HDAC2: variants seen among roughly 807,000 people sequenced by gnomAD.
HDAC2 encodes the protein YY1-associated factor 1.
HDAC2 carries 5 observed loss-of-function variants against 68.5 expected under a neutral mutation model. The observed-to-expected ratio is 0.07, with a 90% CI of 0.04 to 0.15. The LOEUF is 0.15. Ranked by LOEUF, HDAC2 falls within the 10% of genes least tolerant of loss-of-function variation. The pLI is 1.00. For synonymous variants in HDAC2, 182 were observed against 191.3 expected (o/e 0.95, Z 0.40); for missense variants, 291 against 600.8 (o/e 0.48, Z 5.39).
In HDAC2 at chr6:113,938,100, T is replaced by C. The variant is rs376719144; in HGVS notation, c.*2958A>G. 16 of 151,922 alleles carry C rather than the reference T, an allele frequency of 1.1e-4. No individual in the cohort carries two copies. Among genetic ancestry groups the C allele is most frequent in the African/African-American group, 3.9e-4 (16 of 41,352 alleles). The allele number at this position is 151,922 out of a possible 1,614,324, so 9.4% of individuals were successfully genotyped here. On this transcript the variant is annotated 3_prime_UTR_variant, in exon 14 of 14. Transcript: ENST00000519065. ...AGGCGGAGGTTGCAGTGAGCCGAGA[T>C]TGCGCCATTGCACACCAGCCTGGGC...
chr6:113,964,130 T>C (rs1582497678), intron 1 of HDAC2, among the ~76,000 whole-genome samples: 1 of 152,112 alleles, frequency 6.6e-6, no homozygotes, highest in East Asian at 1.9e-4. Context: ...AGCCTCACAT[T>C]GATTCAGGTT....
chr6:113,933,697 C>A lies in HDAC2; in HGVS notation c.*7361G>T, dbSNP rs763584227. The A allele has an allele frequency of 6.6e-6, 1 of 151,978 alleles. No individual in the cohort carries two copies. The highest frequency in any genetic ancestry group is 1.5e-5 in the Non-Finnish European group (1 of 68,028). 9.4% of individuals were successfully genotyped at this position (151,978 alleles called of 1,614,324 possible). On this transcript the variant is annotated 3_prime_UTR_variant, in exon 14 of 14. Transcript: ENST00000519065. ...ACAAAACCCTTGCCCTTATGAAACTCTTAATCCAGTGAAAGTAAGCAGAAT... is the reference window on the plus strand; with the variant it reads ...ACAAAACCCTTGCCCTTATGAAACTATTAATCCAGTGAAAGTAAGCAGAAT...
intron 3 of HDAC2, 147 bp downstream of exon 3, chr6:113,958,502 G>A (rs946410145): frequency 1.8e-6 from 1 of 554,948 alleles, no homozygotes; most frequent in Non-Finnish European, 3.2e-6. Flanking sequence ...AGTAGCTTTA[G>A]TAGTGTTAAA....
chr6:113,940,051 T>C lies in HDAC2; in HGVS notation c.*1007A>G, dbSNP rs1444034018. ...GTTTTGTCTTCTTTGCACATCTTAG[T>C]AGCAGGAGTTACCCCCATTTGTCTG... On this transcript the variant is annotated 3_prime_UTR_variant, in exon 14 of 14. Coordinates refer to ENST00000519065, the MANE Select transcript of HDAC2 (RefSeq NM_001527.4). The C allele has an allele frequency of 6.6e-6, 1 of 152,214 alleles. No homozygotes were observed. Among genetic ancestry groups the C allele is most frequent in the East Asian group, 1.9e-4 (1 of 5,202 alleles). The allele number at this position is 152,214 out of a possible 1,614,324, so 9.4% of individuals were successfully genotyped here.
In HDAC2 at chr6:113,949,177, T is replaced by C; in HGVS notation, c.723A>G (p.Ile241Met). The C allele has an allele frequency of 6.2e-7, 1 of 1,606,896 alleles. No individual in the cohort carries two copies. The highest frequency in any genetic ancestry group is 8.5e-7 in the Non-Finnish European group (1 of 1,173,458). ...AAACAATAATACTTACAGGCTTAAA[T>C]ATCTGCCCATATGACTCATCATCTA... ...DGIDDESYGQ[I>M]FKPIISKVME... is the part of the protein sequence containing the mutation. Residue 241 changes from isoleucine to methionine, a missense_variant, in exon 7 of 14, where the codon ATA becomes ATG. By Grantham distance (10) the Ile-to-Met change is conservative. Transcript: ENST00000519065.
At chr6:113,943,243 T>TTCC in intron 12 of HDAC2, 108 bp downstream of exon 12, 1 of 778,788 alleles carries the variant, frequency 1.3e-6, no homozygotes, top group East Asian at 2.6e-5. Context: ...CCTAGCATAC[T>TTCC]TCCTCCTGAT....
chr6:113,956,453 A>G lies in HDAC2; in HGVS notation c.358+166T>C, dbSNP rs1361450316. The G allele has an allele frequency of 2.1e-5, 13 of 606,046 alleles. No individual in the cohort carries two copies. In the Admixed American group the frequency reaches 3.7e-4, roughly 17 times the overall value. 37.5% of individuals were successfully genotyped at this position (606,046 alleles called of 1,614,324 possible). A position where few individuals can be genotyped will look rare whatever the true frequency, so the allele number is the denominator to read the frequency against. On this transcript the variant is annotated intron_variant, in intron 4 of 13. Transcript: ENST00000519065. Reference sequence around the variant, plus strand: ...TTTAAAAAGCGTTTAAGTCATAATCATAAAACATAGAGGTTTGAAAGTAAA... The same window carrying G: ...TTTAAAAAGCGTTTAAGTCATAATCGTAAAACATAGAGGTTTGAAAGTAAA...
At chr6:113,970,579 G>A in intron 1 of HDAC2, 2 of 1,257,480 alleles carry the variant, frequency 1.6e-6, no homozygotes, top group South Asian at 2.9e-5. Context: ...CGTCCCCAGC[G>A]GCGGCCACCT....
chr6:113,942,920 G>A (rs1036615987), intron 12 of HDAC2, among the ~76,000 whole-genome samples: 9 of 151,990 alleles, frequency 5.9e-5, no homozygotes, highest in African/African-American at 2.2e-4. Context: ...TCCATTATTT[G>A]ACCTTTTTCA....
At chr6:113,948,884 G>A in intron 8 of HDAC2, 95 bp downstream of exon 8, 12 of 1,383,212 alleles carry the variant, frequency 8.7e-6, no homozygotes, top group Non-Finnish European at 1.2e-5. Context: ...TGTTAAAACA[G>A]CAGGCAAGAA....
In HDAC2 at chr6:113,939,392, C is replaced by T. The variant is rs986842814; in HGVS notation, c.*1666G>A. 2 of 152,078 alleles carry T rather than the reference C, an allele frequency of 1.3e-5. No homozygotes were observed. The highest frequency in any genetic ancestry group is 2.9e-5 in the Non-Finnish European group (2 of 68,026). 9.4% of individuals were successfully genotyped at this position (152,078 alleles called of 1,614,324 possible). A position where few individuals can be genotyped will look rare whatever the true frequency, so the allele number is the denominator to read the frequency against. Reference sequence around the variant, plus strand: ...GGTCCACCAAAATCCCACAAATCACCACTAAAGAACTTAATCATGTAACCA... The same window carrying T: ...GGTCCACCAAAATCCCACAAATCACTACTAAAGAACTTAATCATGTAACCA... On this transcript the variant is annotated 3_prime_UTR_variant, in exon 14 of 14. Transcript: ENST00000519065.
chr6:113,960,035 A>G lies in HDAC2; in HGVS notation c.53-17T>C, dbSNP rs537967173. 57 of 1,139,264 alleles carry G rather than the reference A, an allele frequency of 5.0e-5. No individual in the cohort carries two copies. Among genetic ancestry groups the G allele is most frequent in the African/African-American group, 4.4e-4 (29 of 65,726 alleles). The allele number at this position is 1,139,264 out of a possible 1,614,324, so 70.6% of individuals were successfully genotyped here. ...CAATATCACCTAAAATAGAAAAGAC[A>G]CAAACTAAACAATACAGACAAGAGA... On this transcript the variant is annotated splice_polypyrimidine_tract_variant and intron_variant, in intron 1 of 13. Transcript: ENST00000519065.
Position 113,940,941 on chromosome 6 carries a change from T to G in HDAC2, c.*117A>C. The G allele has an allele frequency of 1.5e-6, 1 of 684,326 alleles. No individual in the cohort carries two copies. Among genetic ancestry groups the G allele is most frequent in the Non-Finnish European group, 2.3e-6 (1 of 425,604 alleles). 42.4% of individuals were successfully genotyped at this position (684,326 alleles called of 1,614,324 possible). A position where few individuals can be genotyped will look rare whatever the true frequency, so the allele number is the denominator to read the frequency against. ...CAAAAACGAAAAAGCCATTTGAAAA[T>G]AAATACAGTCCATGCCAAAGTAGTA... On this transcript the variant is annotated 3_prime_UTR_variant, in exon 14 of 14. Coordinates refer to ENST00000519065, the MANE Select transcript of HDAC2 (RefSeq NM_001527.4).
chr6:113,958,850 C>T (rs935844116), intron 2 of HDAC2, 84 bp from the exon 3 acceptor site: 54 of 828,924 alleles, frequency 6.5e-5, no homozygotes, highest in Non-Finnish European at 9.3e-5. Context: ...ATTCCCCTAT[C>T]GGTCCCCTCA....
In HDAC2 at chr6:113,941,780, T is replaced by C. The variant is rs759243362; in HGVS notation, c.1379-15A>G. 14 of 1,165,894 alleles carry C rather than the reference T, an allele frequency of 1.2e-5. No individual in the cohort carries two copies. In the East Asian group the frequency reaches 1.8e-4, roughly 15 times the overall value. 72.2% of individuals were successfully genotyped at this position (1,165,894 alleles called of 1,614,324 possible). A position where few individuals can be genotyped will look rare whatever the true frequency, so the allele number is the denominator to read the frequency against. ...TTCCTTAACGTCTAAAAATAAAGAT[T>C]GGGAAAAGATTAAAACCTATTTTGA... On this transcript the variant is annotated splice_polypyrimidine_tract_variant and intron_variant, in intron 12 of 13. Transcript: ENST00000519065.
At chr6:113,962,426 A>T (rs1331804182) in intron 1 of HDAC2, 2 of 672,838 alleles carry the variant, frequency 3.0e-6, no homozygotes, top group African/African-American at 1.9e-5. Context: ...AAATATAAAT[A>T]TTTTAAATAA....
At chr6:113,953,547 C>T in intron 5 of HDAC2, 129 bp from the exon 6 acceptor site, 1 of 552,390 alleles carries the variant, frequency 1.8e-6, no homozygotes, top group South Asian at 2.9e-5. Context: ...TTACATTCAG[C>T]CTAAGAGGTT....
Position 113,939,967 on chromosome 6 carries a change from G to C in HDAC2, c.*1091C>G, listed in dbSNP as rs1262420666. 2.0e-5 allele frequency: 3 copies of C among 152,126 alleles called. No homozygotes were observed. The highest frequency in any genetic ancestry group is 7.2e-5 in the African/African-American group (3 of 41,420). The allele number at this position is 152,126 out of a possible 1,614,324, so 9.4% of individuals were successfully genotyped here. ...CATTCTGTAATTTTTAATCTCAAAA[G>C]AATCAATGTGGGCCTGACAAAAAGG... On this transcript the variant is annotated 3_prime_UTR_variant, in exon 14 of 14. Transcript: ENST00000519065.
At chr6:113,955,355 A>G (rs1333903825) in intron 5 of HDAC2, among the ~76,000 whole-genome samples, 1 of 152,040 alleles carries the variant, frequency 6.6e-6, no homozygotes, top group Non-Finnish European at 1.5e-5. Context: ...CTGGGATTAC[A>G]GGCGCACGCC....
Sources: gnomAD v4.1 joint callset for allele counts (sites outside exome capture counted in the v4.1 genomes callset) on GRCh38, gnomAD v4.1.1 for gene constraint, MANE v1.5 for transcripts, NCBI Gene and HGNC (gene_info 2026-07-23, HGNC 2026-07-21) for gene names.